The following TMEM255B variants were observed in gnomAD, a reference collection of about 807,000 sequenced individuals.
TMEM255B encodes the protein transmembrane protein 255B, also known as family with sequence similarity 70, member B.
In TMEM255B, 35 loss-of-function variants were observed where a neutral mutation model predicts 34.5. The ratio of observed to expected loss-of-function variants is 1.01; its 90% CI spans 0.77 to 1.34. The LOEUF is 1.34. Among genes scored for constraint, TMEM255B ranks in the 40% most tolerant of loss-of-function variants. TMEM255B has a pLI of 0.00. For missense variants in TMEM255B, 432 were observed against 433.2 expected (o/e 1.00, Z 0.02); for synonymous variants, 206 against 201.2 (o/e 1.02, Z -0.20).
At chr13:113,778,127 T>C (rs1461046796) in intron 3 of TMEM255B, among the ~76,000 whole-genome samples, 1 of 152,170 alleles carries the variant, frequency 6.6e-6, no homozygotes, top group African/African-American at 2.4e-5. Flanking sequence ...CAAGCTGCCC[T>C]CCAGCAGGAT....
At chr13:113,778,665 T>G (rs1437630356) in intron 3 of TMEM255B, among the ~76,000 whole-genome samples, 1 of 152,022 alleles carries the variant, frequency 6.6e-6, no homozygotes, top group African/African-American at 2.4e-5. Flanking sequence ...CTGTGGCGTC[T>G]TCTCCTGGGT....
rs376023612 is a variant in TMEM255B at position 113,790,182 on chromosome 13, G to A, written c.253-4966G>A. ...TCCTAACACTGAACTGACCAGACAC[G>A]TGGACATCCTAACACTGAACTGACC... On this transcript the variant is annotated intron_variant, in intron 3 of 8. Transcript: ENST00000375353. Among the ~76,000 whole-genome samples the A allele has an allele frequency of 6.2e-4, 72 of 115,222 alleles. 7 individuals carry two copies. The highest frequency in any genetic ancestry group is 9.9e-4 in the Non-Finnish European group (51 of 51,310). The allele number at this position is 115,222 out of a possible 152,430, so 75.6% of individuals were successfully genotyped here.
chr13:113,797,110 C>T (rs1313580053), intron 4 of TMEM255B, among the ~76,000 whole-genome samples: 1 of 152,194 alleles, frequency 6.6e-6, no homozygotes, highest in Non-Finnish European at 1.5e-5. Flanking sequence ...AGTCTCTGAC[C>T]GCAGTCGGGG....
intron 3 of TMEM255B, among the ~76,000 whole-genome samples, chr13:113,787,157 G>T (rs1249325117): frequency 6.6e-6 from 1 of 152,218 alleles, no homozygotes; most frequent in Non-Finnish European, 1.5e-5. Flanking sequence ...TAGGCCTTGT[G>T]CAAACCTGCT....
chr13:113,795,748 GCA>G, intron 4 of TMEM255B, among the ~76,000 whole-genome samples: 1 of 119,768 alleles, frequency 8.3e-6, no homozygotes, highest in South Asian at 2.7e-4. Context: ...AGAGCACACA[GCA>G]CACACACAAC....
At chr13:113,782,868 C>T (rs188367467) in intron 3 of TMEM255B, among the ~76,000 whole-genome samples, 73 of 152,206 alleles carry the variant, frequency 4.8e-4, no homozygotes, top group Non-Finnish European at 8.8e-4. Flanking sequence ...ACTTTTCTTT[C>T]GGGTTATCAG....
rs77346616 is a variant in TMEM255B, at chr13:113,786,899, G to A, written c.253-8249G>A. Among the ~76,000 whole-genome samples, 998 of 152,324 alleles carry A rather than the reference G, an allele frequency of 6.6e-3. 10 individuals carry two copies. The highest frequency in any genetic ancestry group is 0.022 in the African/African-American group (894 of 41,566). ...TCTCATTCACTGAGAAGGAGGCCACGTCTTGGTTTTTGAGGAGGAGTGAGC... is the reference window on the plus strand; with the variant it reads ...TCTCATTCACTGAGAAGGAGGCCACATCTTGGTTTTTGAGGAGGAGTGAGC... On this transcript the variant is annotated intron_variant, in intron 3 of 8. Coordinates refer to ENST00000375353, the MANE Select transcript of TMEM255B (RefSeq NM_182614.4).
chr13:113,805,093 G>A, intron 8 of TMEM255B, 65 bp downstream of exon 8: 1 of 1,464,010 alleles, frequency 6.8e-7, no homozygotes, highest in Non-Finnish European at 9.1e-7. Flanking sequence ...GGACAGGATG[G>A]GGCTGGGGTC....
At chr13:113,802,610 A>G (rs1033365679) in intron 7 of TMEM255B, among the ~76,000 whole-genome samples, 2 of 135,702 alleles carry the variant, frequency 1.5e-5, no homozygotes, top group African/African-American at 2.6e-5. Context: ...CAGCGAAAAC[A>G]CTCCTGAGCG....
At chr13:113,795,267 G>A (rs769391788) in intron 4 of TMEM255B, 30 bp downstream of exon 4, 39 of 1,593,640 alleles carry the variant, frequency 2.4e-5, no homozygotes, top group African/African-American at 5.4e-5. Flanking sequence ...GTGCACAGTC[G>A]CTTTCCGGGG....
At chr13:113,778,014 C>A (rs1437734797) in intron 3 of TMEM255B, among the ~76,000 whole-genome samples, 1 of 152,234 alleles carries the variant, frequency 6.6e-6, no homozygotes, top group African/African-American at 2.4e-5. Context: ...CCACAGCTGC[C>A]TGTGCCAGGG....
In TMEM255B at chr13:113,813,591, CT is replaced by C; in HGVS notation, c.*1689del. ...TCTCACACAGCCTCTGCCCCCTCCG[CT>C]GCCCGGGAGCCTCCCTCTGCCCGAC... On this transcript the variant is annotated 3_prime_UTR_variant, in exon 9 of 9. Coordinates refer to ENST00000375353, the MANE Select transcript of TMEM255B (RefSeq NM_182614.4). The C allele has an allele frequency of 6.7e-6, 1 of 148,828 alleles. No individual in the cohort carries two copies. Among genetic ancestry groups the C allele is most frequent in the South Asian group, 2.1e-4 (1 of 4,814 alleles). The allele number at this position is 148,828 out of a possible 1,614,324, so 9.2% of individuals were successfully genotyped here. A position where few individuals can be genotyped will look rare whatever the true frequency, so the allele number is the denominator to read the frequency against.
At chr13:113,808,564 T>C (rs2051228843) in intron 8 of TMEM255B, among the ~76,000 whole-genome samples, 1 of 151,312 alleles carries the variant, frequency 6.6e-6, no homozygotes, top group African/African-American at 2.4e-5. Flanking sequence ...ACTCCATGGT[T>C]CCTGGGGTGT....
intron 1 of TMEM255B, among the ~76,000 whole-genome samples, chr13:113,765,432 G>C (rs1365616072): frequency 1.3e-5 from 2 of 152,206 alleles, no homozygotes; most frequent in African/African-American, 4.8e-5. Context: ...GGCCGTCATC[G>C]CTGCCAGCGG....
intron 3 of TMEM255B, among the ~76,000 whole-genome samples, chr13:113,782,599 G>A (rs935435692): frequency 2.6e-5 from 4 of 152,178 alleles, no homozygotes; most frequent in African/African-American, 9.7e-5. Flanking sequence ...CTGGACATGG[G>A]GGCGCAGGAT....
chr13:113,803,662 C>CATCATGCAGGCCA (rs2051107278), intron 7 of TMEM255B, among the ~76,000 whole-genome samples: 1 of 118,466 alleles, frequency 8.4e-6, no homozygotes, highest in African/African-American at 2.9e-5. Flanking sequence ...TCACGGAGCA[C>CATCATGCAGGCCA]GACCCTCCAT....
intron 8 of TMEM255B, 99 bp downstream of exon 8, chr13:113,805,127 G>C (rs894013200): frequency 1.5e-6 from 2 of 1,318,014 alleles, no homozygotes; most frequent in Middle Eastern, 4.5e-4. Flanking sequence ...TCTTGCAGCC[G>C]CCTCACCTTC....
rs2051140740 is a variant in TMEM255B at position 113,804,934 on chromosome 13, T to C, written c.719T>C (p.Leu240Pro). ...AYGPAVPPQT[L>P]YNPAQQILAY... Reference sequence around the variant, plus strand: ...GGCCCAGCCGTCCCACCACAGACCCTCTACAACCCCGCCCAGCAGATCCTG... The same window carrying C: ...GGCCCAGCCGTCCCACCACAGACCCCCTACAACCCCGCCCAGCAGATCCTG... Residue 240 changes from leucine (L) to proline (P), a missense_variant, in exon 8 of 9, where the codon CTC becomes CCC. By Grantham distance (98) the Leu-to-Pro change is moderately conservative. Coordinates refer to ENST00000375353, the MANE Select transcript of TMEM255B (RefSeq NM_182614.4). 1 of 1,605,284 alleles carries C rather than the reference T, an allele frequency of 6.2e-7. No individual in the cohort carries two copies. Among genetic ancestry groups the C allele is most frequent in the African/African-American group, 1.3e-5 (1 of 74,864 alleles).
chr13:113,802,768 G>C (rs1282437081), intron 7 of TMEM255B, among the ~76,000 whole-genome samples: 1 of 148,402 alleles, frequency 6.7e-6, no homozygotes, highest in African/African-American at 2.5e-5. Flanking sequence ...GAGTGACCCT[G>C]GCATCCCGAG....
Sources: allele counts gnomAD v4.1 joint callset (sites outside exome capture counted in the v4.1 genomes callset), GRCh38; gene constraint gnomAD v4.1.1; transcripts MANE v1.5; gene names NCBI Gene and HGNC (gene_info 2026-07-23, HGNC 2026-07-21).